ROBO2: variants seen among roughly 807,000 people sequenced by gnomAD.
ROBO2 encodes roundabout homolog 2.
ROBO2 carries 53 observed loss-of-function variants against 160.8 expected under a neutral mutation model. The ratio of observed to expected loss-of-function variants is 0.33; its 90% confidence interval spans 0.26 to 0.41. The LOEUF (loss-of-function observed/expected upper bound fraction) is 0.41, where lower values mean the gene tolerates loss of function less well. Among genes scored for constraint, ROBO2 ranks in the 10% least tolerant of loss-of-function variants. The pLI is 1.00. For missense variants in ROBO2, 1,577 were observed against 1,722.4 expected (o/e 0.92, Z 1.49); for synonymous variants, 664 against 611.7 (o/e 1.09, Z -1.26).
intron 2 of ROBO2, among the ~76,000 whole-genome samples, chr3:76,860,192 C>A (rs1444776821): frequency 1.3e-5 from 2 of 152,136 alleles, no homozygotes; most frequent in Admixed American, 1.3e-4. Flanking sequence ...GCAGAGTTCA[C>A]CAGTGCCTGA....
intron 2 of ROBO2, among the ~76,000 whole-genome samples, chr3:77,211,843 A>C (rs1580021283): frequency 6.6e-6 from 1 of 152,138 alleles, no homozygotes; most frequent in Admixed American, 6.5e-5. Context: ...TCCTTTCCCC[A>C]TTGCTTGTTT....
chr3:76,327,759 A>T (rs2073142692), intron 2 of ROBO2, among the ~76,000 whole-genome samples: 1 of 152,220 alleles, frequency 6.6e-6, no homozygotes, highest in South Asian at 2.1e-4. Context: ...GGCTCCATTC[A>T]TATGATGTGC....
chr3:76,758,134 C>T (rs2061090554), intron 2 of ROBO2, among the ~76,000 whole-genome samples: 1 of 151,650 alleles, frequency 6.6e-6, no homozygotes, highest in South Asian at 2.1e-4. Context: ...CAAAAAATAG[C>T]TTAAATTATC....
chr3:76,346,209 A>G (rs971857173), intron 2 of ROBO2, among the ~76,000 whole-genome samples: 1 of 151,858 alleles, frequency 6.6e-6, no homozygotes, highest in African/African-American at 2.4e-5. Flanking sequence ...TAGCTCTCCA[A>G]GTTACTAGTA....
At chr3:77,444,073 T>C (rs1338399742) in intron 2 of ROBO2, among the ~76,000 whole-genome samples, 1 of 152,194 alleles carries the variant, frequency 6.6e-6, no homozygotes, top group Non-Finnish European at 1.5e-5. Context: ...GTCCATGCCT[T>C]CATTTTTGAT....
chr3:77,228,190 A>T (rs2086719612), intron 2 of ROBO2, among the ~76,000 whole-genome samples: 1 of 152,084 alleles, frequency 6.6e-6, no homozygotes, highest in South Asian at 2.1e-4. Flanking sequence ...TTTTTGAGAC[A>T]GAGGTTTGCT....
chr3:76,329,560 C>T (rs925913451), intron 2 of ROBO2, among the ~76,000 whole-genome samples: 1 of 152,108 alleles, frequency 6.6e-6, no homozygotes, highest in Admixed American at 6.5e-5. Flanking sequence ...AATTTCCTTC[C>T]GCTGGGGAAT....
intron 2 of ROBO2, among the ~76,000 whole-genome samples, chr3:76,719,840 C>T (rs1271123448): frequency 9.4e-5 from 14 of 148,926 alleles, no homozygotes; most frequent in Non-Finnish European, 1.5e-4. Flanking sequence ...GCTGAGATTG[C>T]GCCACTGCAC....
intron 2 of ROBO2, among the ~76,000 whole-genome samples, chr3:76,295,349 T>A (rs1032874224): frequency 6.6e-6 from 1 of 151,970 alleles, no homozygotes; most frequent in Non-Finnish European, 1.5e-5. Flanking sequence ...CCATAGAGAG[T>A]CACTTAAAAA....
chr3:76,887,291 G>C (rs140284428), intron 2 of ROBO2, among the ~76,000 whole-genome samples: 2 of 142,562 alleles, frequency 1.4e-5, no homozygotes, highest in Non-Finnish European at 3.0e-5. Flanking sequence ...GTCATTTTAG[G>C]CAAATCCCCT....
intron 2 of ROBO2, among the ~76,000 whole-genome samples, chr3:77,270,026 G>A (rs1309723563): frequency 6.6e-6 from 1 of 152,130 alleles, no homozygotes; most frequent in Admixed American, 6.6e-5. Flanking sequence ...GTCAACTAAA[G>A]TTGGTACAAA....
intron 2 of ROBO2, among the ~76,000 whole-genome samples, chr3:76,317,541 A>T (rs969184872): frequency 6.6e-6 from 1 of 152,182 alleles, no homozygotes; most frequent in Admixed American, 6.5e-5. Flanking sequence ...ATGAATATTC[A>T]TGCAAAATGC....
intron 6 of ROBO2, among the ~76,000 whole-genome samples, chr3:77,531,538 C>CA (rs35520051): frequency 2.5e-4 from 37 of 147,904 alleles, no homozygotes; most frequent in Middle Eastern, 3.4e-3. Context: ...CCAAGAAGTC[C>CA]AAAAAAAAAA....
At chr3:76,660,441 C>T (rs1433186430) in intron 2 of ROBO2, among the ~76,000 whole-genome samples, 1 of 152,102 alleles carries the variant, frequency 6.6e-6, no homozygotes, top group African/African-American at 2.4e-5. Flanking sequence ...AAATCAGGCT[C>T]ACTCTTGATC....
In ROBO2 at chr3:76,532,581, T is replaced by G. The variant is rs141271871; in HGVS notation, c.110-565433T>G. On this transcript the variant is annotated intron_variant, in intron 2 of 26. Coordinates refer to the ROBO2 transcript ENST00000487694. ...TACCATTTGACCTTGCCACTTTATA[T>G]TCTGTGTCAGTGGTGACAGGTGATT... 4.0e-3 allele frequency among the ~76,000 whole-genome samples: 612 copies of G among 152,348 alleles called. 6 individuals carry two copies. The highest frequency in any genetic ancestry group is 0.014 in the African/African-American group (597 of 41,572).
At chr3:76,073,843 A>G (rs754064452) in intron 2 of ROBO2, among the ~76,000 whole-genome samples, 4 of 152,238 alleles carry the variant, frequency 2.6e-5, no homozygotes, top group Middle Eastern at 3.4e-3. Context: ...GTCCTGACAA[A>G]TGTGAACAAG....
chr3:76,880,140 A>AGTCCTTTAAT (rs1297197888), intron 2 of ROBO2, among the ~76,000 whole-genome samples: 1 of 152,126 alleles, frequency 6.6e-6, no homozygotes, highest in African/African-American at 2.4e-5. Flanking sequence ...TGGTCAGAAC[A>AGTCCTTTAAT]GTCCTTTAAT....
At chr3:77,072,660 A>C (rs532135690) in intron 1 of ROBO2, among the ~76,000 whole-genome samples, 61 of 152,298 alleles carry the variant, frequency 4.0e-4, no homozygotes, top group African/African-American at 1.4e-3. Context: ...AAACATATAC[A>C]CAATGGGATA....
intron 2 of ROBO2, among the ~76,000 whole-genome samples, chr3:76,465,556 A>G (rs1377586741): frequency 6.6e-6 from 1 of 152,054 alleles, no homozygotes; most frequent in East Asian, 1.9e-4. Flanking sequence ...TGAAATTATA[A>G]AATTGCAGCA....
Sources: allele counts gnomAD v4.1 joint callset (sites outside exome capture counted in the v4.1 genomes callset), GRCh38; gene constraint gnomAD v4.1.1; transcripts MANE v1.5; gene names NCBI Gene and HGNC (gene_info 2026-07-23, HGNC 2026-07-21).